MTA3: variants seen among roughly 807,000 people sequenced by gnomAD.
MTA3 encodes metastasis associated 1 family member 3, also known as metastasis-associated protein MTA3.
MTA3 carries 34 observed loss-of-function variants against 83.5 expected under a neutral mutation model. The ratio of observed to expected loss-of-function variants is 0.41; its 90% CI spans 0.31 to 0.54. The LOEUF (loss-of-function observed/expected upper bound fraction) is 0.54. MTA3 is among the 20% of genes least tolerant of loss of function. The pLI, the probability that MTA3 is intolerant of heterozygous loss-of-function variation, is 0.33. For synonymous variants in MTA3, 303 were observed against 252.7 expected, an observed-to-expected ratio of 1.20 and a Z score of -1.89; for missense variants, 761 against 726.4, an observed-to-expected ratio of 1.05 and a Z score of -0.55.
chr2:42,572,589 T>C (rs1292491291), intron 2 of MTA3, among the ~76,000 whole-genome samples: 1 of 152,080 alleles, frequency 6.6e-6, no homozygotes, highest in Admixed American at 6.6e-5. Context: ...AAAAAAATTA[T>C]GGTTTTGGTG....
chr2:42,721,505 T>A (rs1229061419), intron 15 of MTA3, among the ~76,000 whole-genome samples: 1 of 151,928 alleles, frequency 6.6e-6, no homozygotes, highest in Non-Finnish European at 1.5e-5. Flanking sequence ...TTTTTAAAAA[T>A]TTTTGTAGAG....
At chr2:42,633,315 G>A (rs1686863587) in intron 4 of MTA3, among the ~76,000 whole-genome samples, 1 of 151,904 alleles carries the variant, frequency 6.6e-6, no homozygotes. Context: ...CGGGTTTGAT[G>A]GCTCATGCCT....
At chr2:42,750,850 A>G (rs183357526) in intron 16 of MTA3, among the ~76,000 whole-genome samples, 2 of 152,320 alleles carry the variant, frequency 1.3e-5, no homozygotes, top group Admixed American at 1.3e-4. Flanking sequence ...GCCTGGTGGT[A>G]TGGAGTTGGG....
At chr2:42,665,714 G>A (rs1690174505) in intron 8 of MTA3, among the ~76,000 whole-genome samples, 1 of 152,192 alleles carries the variant, frequency 6.6e-6, no homozygotes, top group Non-Finnish European at 1.5e-5. Context: ...TGGGGAGGAG[G>A]GGTAAGAATA....
chr2:42,706,115 G>A (rs923440343), intron 12 of MTA3, among the ~76,000 whole-genome samples: 3 of 152,068 alleles, frequency 2.0e-5, no homozygotes, highest in Non-Finnish European at 4.4e-5. Flanking sequence ...ATCACATCTG[G>A]GGACTGCTGT....
chr2:42,505,526 C>G lies in MTA3; in HGVS notation c.-141+10272C>G, dbSNP rs558793376. Among the ~76,000 whole-genome samples, 6 of 152,216 alleles carry G rather than the reference C, an allele frequency of 3.9e-5. No homozygotes were observed. In the South Asian group the frequency reaches 1.0e-3, roughly 26 times the overall value. Reference sequence around the variant, plus strand: ...CTCCCATGCTGGCTCAGCACCACCTCTCCTCTCTACCAAGCACTAAGCACC... The same window carrying G: ...CTCCCATGCTGGCTCAGCACCACCTGTCCTCTCTACCAAGCACTAAGCACC... On this transcript the variant is annotated intron_variant, in intron 2 of 17. Coordinates refer to the MTA3 transcript ENST00000405592.
intron 6 of MTA3, among the ~76,000 whole-genome samples, chr2:42,647,155 T>TAAAAAAAAAAAAA (rs1553373420): frequency 2.2e-5 from 2 of 92,076 alleles, no homozygotes; most frequent in Non-Finnish European, 3.9e-5. Flanking sequence ...AGACTCTGTC[T>TAAAAAAAAAAAAA]AAAAAAAAAA....
chr2:42,521,648 A>G (rs1675434139), intron 2 of MTA3, among the ~76,000 whole-genome samples: 1 of 151,744 alleles, frequency 6.6e-6, no homozygotes, highest in African/African-American at 2.4e-5. Flanking sequence ...AAATAGGCAG[A>G]GCCCTTTCCT....
chr2:42,604,615 T>A (rs1558486570), intron 3 of MTA3, among the ~76,000 whole-genome samples: 1 of 142,264 alleles, frequency 7.0e-6, no homozygotes, highest in Non-Finnish European at 1.5e-5. Flanking sequence ...TGATAATTCT[T>A]GGGTGTTTCT....
intron 8 of MTA3, among the ~76,000 whole-genome samples, chr2:42,675,276 C>T (rs1175166849): frequency 1.3e-5 from 2 of 152,076 alleles, no homozygotes; most frequent in African/African-American, 4.8e-5. Context: ...GCTGGGACTA[C>T]AGGCGCATGC....
chr2:42,524,827 CAAAAAA>C lies in MTA3; in HGVS notation c.-141+29581_-141+29586del, dbSNP rs59653736. 2.8e-4 allele frequency among the ~76,000 whole-genome samples: 36 copies of C among 126,462 alleles called. 2 individuals carry two copies. The South Asian group carries it at 4.0e-3, about 14-fold the overall frequency. 83.0% of individuals were successfully genotyped at this position (126,462 alleles called of 152,430 possible). On this transcript the variant is annotated intron_variant, in intron 2 of 17. Transcript: ENST00000405592. ...AGAGAACAAAAACCTATCTAGCATC[CAAAAAA>C]AAAAAAAGAAAAAAAGAGACACCTG...
At chr2:42,734,417 C>G (rs1574965) in intron 16 of MTA3, among the ~76,000 whole-genome samples, 74,491 of 130,294 alleles carry the variant, frequency 0.57, 20,750 homozygotes, top group East Asian at 0.71. Context: ...CTTTGTTTCT[C>G]TGTGTGTCTT....
At chr2:42,541,491 T>C (rs1275456940) in intron 2 of MTA3, among the ~76,000 whole-genome samples, 1 of 152,196 alleles carries the variant, frequency 6.6e-6, no homozygotes, top group African/African-American at 2.4e-5. Flanking sequence ...TTCCATGAGA[T>C]AGTCATCACT....
At chr2:42,686,402 A>G (rs1203414670) in intron 9 of MTA3, among the ~76,000 whole-genome samples, 1 of 152,164 alleles carries the variant, frequency 6.6e-6, no homozygotes, top group East Asian at 1.9e-4. Flanking sequence ...AATCATCACC[A>G]CAGGCTGGGT....
chr2:42,631,350 G>A (rs1686654063), intron 4 of MTA3, among the ~76,000 whole-genome samples: 2 of 152,182 alleles, frequency 1.3e-5, no homozygotes, highest in Admixed American at 1.3e-4. Flanking sequence ...TGGAAGATGT[G>A]TGTTTATACT....
intron 16 of MTA3, among the ~76,000 whole-genome samples, chr2:42,736,832 C>G (rs763519685): frequency 6.6e-5 from 10 of 152,166 alleles, no homozygotes; most frequent in African/African-American, 2.4e-4. Flanking sequence ...GCTTTTTAGT[C>G]AGCAGCTGGT....
intron 9 of MTA3, among the ~76,000 whole-genome samples, chr2:42,683,114 C>G (rs1483693472): frequency 6.6e-6 from 1 of 152,110 alleles, no homozygotes; most frequent in African/African-American, 2.4e-5. Flanking sequence ...ATCAGGAAGT[C>G]CTGTGTTTTT....
chr2:42,636,690 G>T (rs530391075), intron 4 of MTA3, among the ~76,000 whole-genome samples: 2 of 146,274 alleles, frequency 1.4e-5, no homozygotes, highest in South Asian at 4.4e-4. Flanking sequence ...GCAGTGGTGC[G>T]ATCTCGGCTC....
At chr2:42,639,912 G>T (rs967408620) in intron 4 of MTA3, among the ~76,000 whole-genome samples, 1 of 151,970 alleles carries the variant, frequency 6.6e-6, no homozygotes, top group African/African-American at 2.4e-5. Context: ...TACCTATAAA[G>T]TATTGCATAT....
Sources: allele counts gnomAD v4.1 joint callset (sites outside exome capture counted in the v4.1 genomes callset), GRCh38; gene constraint gnomAD v4.1.1; transcripts MANE v1.5; gene names NCBI Gene and HGNC (gene_info 2026-07-23, HGNC 2026-07-21).